Variants in CAST observed in about 807,000 individuals in gnomAD.
The protein encoded by CAST is calpastatin, also known as MIR583 host.
CAST carries 76 observed loss-of-function variants against 119.6 expected under a neutral mutation model. The observed-to-expected ratio is 0.64, with a 90% confidence interval of 0.53 to 0.77. CAST has a LOEUF of 0.77. Among genes scored for constraint, CAST ranks in the 30% least tolerant of loss-of-function variants. The probability of loss-of-function intolerance (pLI) is 0.00; values close to 1 mark genes in which losing one functional copy is unlikely to be tolerated. For missense variants in CAST, 953 were observed against 946.5 expected, an observed-to-expected ratio of 1.01 and a Z score of -0.09; for synonymous variants, 319 against 331.6, an observed-to-expected ratio of 0.96 and a Z score of 0.41.
chr5:96,202,666 C>A, the CAST span, among the ~76,000 whole-genome samples: 1 of 152,022 alleles, frequency 6.6e-6, no homozygotes, highest in Non-Finnish European at 1.5e-5. Context: ...CAAAAGATAG[C>A]ATTGACTTTA....
the CAST span, among the ~76,000 whole-genome samples, chr5:96,444,837 A>T: frequency 2.8e-4 from 42 of 151,954 alleles, no homozygotes; most frequent in African/African-American, 1.0e-3. Context: ...CCCTTTTCTC[A>T]TGGTAAAGAC....
chr5:96,622,055 T>C (rs549236508), intron 1 of CAST, among the ~76,000 whole-genome samples: 2 of 145,848 alleles, frequency 1.4e-5, no homozygotes, highest in South Asian at 2.2e-4. Flanking sequence ...CTGCAACCTC[T>C]GCTTCCCTGG....
At chr5:96,354,337 A>C in the CAST span, among the ~76,000 whole-genome samples, 3 of 152,330 alleles carry the variant, frequency 2.0e-5, no homozygotes, top group African/African-American at 7.2e-5. Flanking sequence ...TAATTTCACA[A>C]GGTTGTTACT....
chr5:96,663,961 A>AT (rs1335493064), intron 1 of CAST, among the ~76,000 whole-genome samples: 5 of 151,836 alleles, frequency 3.3e-5, no homozygotes, highest in African/African-American at 1.2e-4. Context: ...AAAAAATCAC[A>AT]CACAGGAGTT....
At chr5:96,121,490 A>C in the CAST span, among the ~76,000 whole-genome samples, 1 of 152,052 alleles carries the variant, frequency 6.6e-6, no homozygotes, top group African/African-American at 2.4e-5. Flanking sequence ...GATGAAAAAA[A>C]AAAAAAGCAA....
the CAST span, among the ~76,000 whole-genome samples, chr5:96,243,458 A>T: frequency 0.025 from 3,751 of 152,124 alleles, 163 homozygotes; most frequent in African/African-American, 0.086. Context: ...TTACATTTTT[A>T]AAATTTTTTT....
intron 1 of CAST, among the ~76,000 whole-genome samples, chr5:96,602,454 C>A (rs1190799176): frequency 6.6e-6 from 1 of 152,142 alleles, no homozygotes; most frequent in South Asian, 2.1e-4. Context: ...TATAAAGGAA[C>A]TAAACAGGGT....
chr5:96,723,316 A>G (rs963553554), intron 4 of CAST, among the ~76,000 whole-genome samples: 3 of 152,150 alleles, frequency 2.0e-5, no homozygotes, highest in African/African-American at 7.2e-5. Flanking sequence ...TTTTAATTGA[A>G]GATATTCCTC....
the CAST span, among the ~76,000 whole-genome samples, chr5:96,433,452 C>T: frequency 1.3e-5 from 2 of 152,172 alleles, 1 homozygote. Flanking sequence ...TCCTTGTCTG[C>T]CCATAAATTC....
chr5:96,643,213 T>C (rs1484453890), intron 1 of CAST, among the ~76,000 whole-genome samples: 1 of 152,246 alleles, frequency 6.6e-6, no homozygotes, highest in Non-Finnish European at 1.5e-5. Flanking sequence ...TGATATAATA[T>C]CTGCATCCCT....
the CAST span, among the ~76,000 whole-genome samples, chr5:96,267,615 C>T: frequency 7.9e-5 from 12 of 151,840 alleles, no homozygotes; most frequent in South Asian, 6.2e-4. Context: ...TGTTTCTCCA[C>T]GACAAAGAAA....
chr5:96,019,386 T>C, the CAST span, among the ~76,000 whole-genome samples: 19 of 152,316 alleles, frequency 1.2e-4, no homozygotes, highest in African/African-American at 4.6e-4. Context: ...ATAGAGCATT[T>C]GTTTTCTTAT....
Position 96,741,543 on chromosome 5 carries a change from C to A in CAST, c.1061C>A (p.Ala354Asp). 1 of 1,613,584 alleles carries A rather than the reference C, an allele frequency of 6.2e-7. No homozygotes were observed. The highest frequency in any genetic ancestry group is 8.5e-7 in the Non-Finnish European group (1 of 1,179,520). ...CAGTCAGCAGGGACAGTCAGAAGTG[C>A]TGCTCCACCCCAAGAGAAGAAAAGA... ...KAQSAGTVRS[A>D]APPQEKKRKV... The change falls in exon 15 of 32, where the codon GCT (alanine) becomes GAT (aspartate). Residue 354 changes from alanine (A) to aspartate (D), a missense_variant. Transcript: ENST00000675179.
chr5:96,748,489 T>G, intron 18 of CAST, 29 bp from the exon 19 acceptor site: 1 of 1,103,170 alleles, frequency 9.1e-7, no homozygotes. Flanking sequence ...AGAGTCCCCT[T>G]GTAATATACA....
At chr5:96,735,500 A>T (rs1761443813) in intron 9 of CAST, among the ~76,000 whole-genome samples, 2 of 152,224 alleles carry the variant, frequency 1.3e-5, no homozygotes, top group South Asian at 2.1e-4. Context: ...TGCAGAGTGT[A>T]TACAGTGGGG....
the CAST span, among the ~76,000 whole-genome samples, chr5:96,198,781 A>G: frequency 6.6e-6 from 1 of 152,208 alleles, no homozygotes; most frequent in East Asian, 1.9e-4. Context: ...TTGACAAGAC[A>G]TCATTCCCGG....
At chr5:96,358,589 C>A in the CAST span, among the ~76,000 whole-genome samples, 1 of 152,090 alleles carries the variant, frequency 6.6e-6, no homozygotes, top group African/African-American at 2.4e-5. Flanking sequence ...TCATTATTTA[C>A]CCAGTAGTCA....
the CAST span, among the ~76,000 whole-genome samples, chr5:95,965,786 C>A: frequency 6.6e-6 from 1 of 152,278 alleles, no homozygotes; most frequent in South Asian, 2.1e-4. Context: ...AAAAGTACTT[C>A]AGCAGATATT....
chr5:96,646,537 G>C (rs1748016074), intron 1 of CAST, among the ~76,000 whole-genome samples: 1 of 152,164 alleles, frequency 6.6e-6, no homozygotes, highest in Non-Finnish European at 1.5e-5. Flanking sequence ...ATTCTAGTAT[G>C]TCTGTAAAAA....
Sources: allele counts gnomAD v4.1 joint callset (sites outside exome capture counted in the v4.1 genomes callset), GRCh38; gene constraint gnomAD v4.1.1; transcripts MANE v1.5; gene names NCBI Gene and HGNC (gene_info 2026-07-23, HGNC 2026-07-21).